The following AHDC1 variants were observed in gnomAD, a reference collection of about 807,000 sequenced individuals.
AHDC1 encodes the protein AT-hook DNA binding motif containing 1.
AHDC1 carries 7 observed loss-of-function variants against 87.9 expected under a neutral mutation model. The ratio of observed to expected loss-of-function variants is 0.08; its 90% CI spans 0.05 to 0.15. The LOEUF (loss-of-function observed/expected upper bound fraction) is 0.15, where lower values mean the gene tolerates loss of function less well. Among genes scored for constraint, AHDC1 ranks in the 10% least tolerant of loss-of-function variants. The pLI, the probability that AHDC1 is intolerant of heterozygous loss-of-function variation, is 1.00. For synonymous variants in AHDC1, 1,051 were observed against 1,006.8 expected, an observed-to-expected ratio of 1.04 and a Z score of -0.83; for missense variants, 1,841 against 2,253.2, an observed-to-expected ratio of 0.82 and a Z score of 3.70.
At chr1:27,585,813 C>A (rs543698669) in intron 3 of AHDC1, among the ~76,000 whole-genome samples, 4 of 152,292 alleles carry the variant, frequency 2.6e-5, no homozygotes, top group South Asian at 2.1e-4. Context: ...TCTTTCCATG[C>A]AATCAGACTG....
chr1:27,552,016 TG>T lies in AHDC1; in HGVS notation c.99del (p.Thr34ProfsTer83). 6.8e-5 allele frequency: 5 copies of T among 73,688 alleles called. No individual in the cohort carries two copies. Among genetic ancestry groups the T allele is most frequent in the South Asian group, 5.7e-4 (2 of 3,500 alleles). The allele number at this position is 73,688 out of a possible 1,614,324, so 4.6% of individuals were successfully genotyped here. A position where few individuals can be genotyped will look rare whatever the true frequency, so the allele number is the denominator to read the frequency against. On this transcript the variant is annotated frameshift_variant, in exon 8 of 9. Coordinates refer to ENST00000673934, the MANE Select transcript of AHDC1 (RefSeq NM_001371928.1). LOFTEE classifies it high-confidence loss of function. Reference sequence around the variant, plus strand: ...CGGGTGGGAAGCAGGGGCCGGGGGGTGGGGGGGCCGCCGGGGTAGTACTTGG... The same window carrying T: ...CGGGTGGGAAGCAGGGGCCGGGGGGTGGGGGGCCGCCGGGGTAGTACTTGG... ...REPKYYPGGPPTPRPLLPTRP... is the reference protein window; with the variant it reads ...REPKYYPGGPXTPRPLLPTRP...
rs527536651 is a variant in AHDC1 at position 27,591,870 on chromosome 1, C to A, written c.-629+11527G>T. 2.6e-5 allele frequency among the ~76,000 whole-genome samples: 4 copies of A among 152,342 alleles called. No individual in the cohort carries two copies. In the South Asian group the frequency reaches 6.2e-4, roughly 24 times the overall value. ...GAAAATGCATGCAAAGGCCTTGGCA[C>A]AGTGCCTGACACATAATAAGTGCTT... On this transcript the variant is annotated intron_variant, in intron 3 of 8. Transcript: ENST00000673934.
At chr1:27,537,125 A>G (rs1005473587) in intron 8 of AHDC1, among the ~76,000 whole-genome samples, 1 of 152,148 alleles carries the variant, frequency 6.6e-6, no homozygotes, top group Non-Finnish European at 1.5e-5. Context: ...GGGGGAAATC[A>G]AAGCCCAAAA....
chr1:27,570,195 T>G (rs918703209), intron 3 of AHDC1, among the ~76,000 whole-genome samples: 1 of 151,978 alleles, frequency 6.6e-6, no homozygotes, highest in African/African-American at 2.4e-5. Context: ...CCCTGCCCCC[T>G]GCCCAAGCTG....
chr1:27,575,788 C>G (rs1249196757), intron 3 of AHDC1, among the ~76,000 whole-genome samples: 3 of 151,602 alleles, frequency 2.0e-5, no homozygotes, highest in Non-Finnish European at 4.4e-5. Context: ...GCAGCCCCGA[C>G]CGGGGGCTAT....
In AHDC1 at chr1:27,600,259, C is replaced by T. The variant is rs541893366; in HGVS notation, c.-629+3138G>A. On this transcript the variant is annotated intron_variant, in intron 3 of 8. Coordinates refer to ENST00000673934, the MANE Select transcript of AHDC1 (RefSeq NM_001371928.1). Reference sequence around the variant, plus strand: ...TGCTTCCTCCCATAGTCCCCAGCTCCACTCCATCCTGGCTTCCGCCTCCCC... The same window carrying T: ...TGCTTCCTCCCATAGTCCCCAGCTCTACTCCATCCTGGCTTCCGCCTCCCC... Among the ~76,000 whole-genome samples the T allele has an allele frequency of 6.1e-4, 93 of 152,106 alleles. 2 individuals are homozygous for T. The South Asian group carries it at 0.016, about 25-fold the overall frequency.
In AHDC1 at chr1:27,552,095, GC is replaced by G; in HGVS notation, c.20del (p.Gly7AlafsTer4). The G allele has an allele frequency of 6.8e-7, 1 of 1,473,560 alleles. No individual in the cohort carries two copies. The allele number at this position is 1,473,560 out of a possible 1,614,324, so 91.3% of individuals were successfully genotyped here. A position where few individuals can be genotyped will look rare whatever the true frequency, so the allele number is the denominator to read the frequency against. On this transcript the variant is annotated frameshift_variant, in exon 8 of 9. Transcript: ENST00000673934. LOFTEE classifies it high-confidence loss of function. MRVKPQ[G>X]LVVTSSAVCS... is the part of the protein sequence containing the mutation. ...ACACGGCACTGGAAGTCACCACCAG[GC>G]CCTGGGGCTTCACACGCATCCTGAC...
intron 3 of AHDC1, among the ~76,000 whole-genome samples, chr1:27,592,582 C>G (rs1048091876): frequency 7.9e-5 from 12 of 151,996 alleles, no homozygotes; most frequent in Admixed American, 2.0e-4. Flanking sequence ...CCTCCCCCCC[C>G]CAGGCCCTGC....
intron 3 of AHDC1, among the ~76,000 whole-genome samples, chr1:27,567,103 G>C (rs2020354542): frequency 6.6e-6 from 1 of 152,130 alleles, no homozygotes; most frequent in African/African-American, 2.4e-5. Context: ...GGGCATCCCA[G>C]CTTCCTGCAT....
intron 3 of AHDC1, among the ~76,000 whole-genome samples, chr1:27,599,428 A>G (rs2089470858): frequency 6.6e-6 from 1 of 151,994 alleles, no homozygotes; most frequent in Admixed American, 6.6e-5. Context: ...TCTGGCCACA[A>G]GGGTGCCTGC....
intron 8 of AHDC1, among the ~76,000 whole-genome samples, chr1:27,544,220 G>A (rs773619047): frequency 5.3e-5 from 8 of 152,168 alleles, no homozygotes; most frequent in Non-Finnish European, 1.2e-4. Flanking sequence ...CTGCTGTGAA[G>A]GGTCAGTGAG....
intron 3 of AHDC1, among the ~76,000 whole-genome samples, chr1:27,583,596 C>G (rs535806525): frequency 6.6e-6 from 1 of 152,276 alleles, no homozygotes; most frequent in East Asian, 1.9e-4. Context: ...GGCCAGGTCT[C>G]TCCCTCCTTC....
At chr1:27,557,648 G>C (rs752601877) in intron 5 of AHDC1, among the ~76,000 whole-genome samples, 1 of 152,112 alleles carries the variant, frequency 6.6e-6, no homozygotes, top group African/African-American at 2.4e-5. Flanking sequence ...ACAGATCCCC[G>C]TGTGCATACA....
At chr1:27,566,677 G>GGGT (rs1195291164) in intron 3 of AHDC1, among the ~76,000 whole-genome samples, 2 of 141,556 alleles carry the variant, frequency 1.4e-5, no homozygotes, top group African/African-American at 5.2e-5. Flanking sequence ...GGAGGGAGGG[G>GGGT]GGTGGAGGAG....
At position 27,549,721 on chromosome 1, in the gene AHDC1, G is replaced by T. The variant is rs746453956; in HGVS notation, c.2395C>A (p.Arg799=). Residue 799 remains arginine, a synonymous_variant, in exon 8 of 9, where the codon CGG becomes AGG. Transcript: ENST00000673934. Reference sequence around the variant, plus strand: ...TCCAGCCCAGTGGAGGCAAAGGCCCGGGCCTCGGTCCCCTGAAACCCACAG... The same window carrying T: ...TCCAGCCCAGTGGAGGCAAAGGCCCTGGCCTCGGTCCCCTGAAACCCACAG... ...RNCGFQGTEA[R]AFASTGLESG... is the part of the protein sequence containing the mutation. 14 of 1,612,842 alleles carry T rather than the reference G, an allele frequency of 8.7e-6. No individual in the cohort carries two copies. In the Middle Eastern group the frequency reaches 6.6e-4, roughly 76 times the overall value.
rs1243130691 is a variant in AHDC1, at chr1:27,547,778, G to A, written c.4338C>T (p.Cys1446=). The change falls in exon 8 of 9, where the codon TGC becomes TGT. Residue 1446 remains cysteine (C), a synonymous_variant. Transcript: ENST00000673934. The surrounding 1 kb of genome is among the most constrained non-coding windows in gnomAD (Gnocchi z 4.9). The part of the protein sequence containing the change: ...HAAAAQAHLS[C]RDLPLGQPHY... ...GGGGCTGGCCCAGCGGCAGGTCCCG[G>A]CAGCTCAGGTGGGCCTGGGCTGCAG... 1.3e-6 allele frequency: 2 copies of A among 1,580,694 alleles called. No homozygotes were observed. Among genetic ancestry groups the A allele is most frequent in the Admixed American group, 1.7e-5 (1 of 58,118 alleles).
rs1204047078 is a variant in AHDC1 at position 27,550,899 on chromosome 1, T to C, written c.1217A>G (p.Asp406Gly). The change falls in exon 8 of 9, where the codon GAC becomes GGC. Residue 406 changes from aspartate (D) to glycine (G), a missense_variant. This residue lies in a region of AHDC1 where 370 missense variants were observed against 391.5 expected (regional missense o/e 0.95). Coordinates refer to ENST00000673934, the MANE Select transcript of AHDC1 (RefSeq NM_001371928.1). The part of the protein sequence containing the change: ...RRKAGRGRKA[D>G]AGPEGRLLPL... Reference sequence around the variant, plus strand: ...CAGTAGGCGGCCCTCGGGTCCGGCGTCTGCCTTGCGTCCCCGTCCGGCTTT... The same window carrying C: ...CAGTAGGCGGCCCTCGGGTCCGGCGCCTGCCTTGCGTCCCCGTCCGGCTTT... 6.3e-7 allele frequency: 1 copy of C among 1,594,150 alleles called. No individual in the cohort carries two copies. Among genetic ancestry groups the C allele is most frequent in the South Asian group, 1.1e-5 (1 of 89,638 alleles).
intron 3 of AHDC1, among the ~76,000 whole-genome samples, chr1:27,575,613 G>A (rs1431719309): frequency 5.3e-5 from 8 of 151,614 alleles, no homozygotes; most frequent in African/African-American, 1.7e-4. Flanking sequence ...CGCGCAGCGC[G>A]CAGCCCGGGC....
chr1:27,600,949 G>A (rs944628572), intron 3 of AHDC1, among the ~76,000 whole-genome samples: 3 of 152,238 alleles, frequency 2.0e-5, no homozygotes, highest in South Asian at 2.1e-4. Context: ...GAACCCTCAC[G>A]CATTGAAACT....
Sources: gnomAD v4.1 joint callset for allele counts (sites outside exome capture counted in the v4.1 genomes callset) on GRCh38, gnomAD v4.1.1 for gene constraint, gnomAD v4.1.1 regional missense constraint, Gnocchi (gnomAD v3.1) non-coding constraint, MANE v1.5 for transcripts, NCBI Gene and HGNC (gene_info 2026-07-23, HGNC 2026-07-21) for gene names.